CNTN4: variants seen among roughly 807,000 people sequenced by gnomAD.
CNTN4 encodes the protein contactin 4.
In CNTN4, 77 loss-of-function variants were observed where a neutral mutation model predicts 122.5. The observed-to-expected ratio is 0.63, with a 90% CI of 0.52 to 0.76. The LOEUF (loss-of-function observed/expected upper bound fraction) is 0.76. Among genes scored for constraint, CNTN4 ranks in the 30% least tolerant of loss-of-function variants. CNTN4 has a pLI of 0.00. For missense variants in CNTN4, 1,256 were observed against 1,259.1 expected, an observed-to-expected ratio of 1.00 and a Z score of 0.04; for synonymous variants, 512 against 447.0, an observed-to-expected ratio of 1.15 and a Z score of -1.83.
chr3:2,812,408 C>T (rs1268055776), intron 6 of CNTN4, among the ~76,000 whole-genome samples: 4 of 151,444 alleles, frequency 2.6e-5, no homozygotes, highest in South Asian at 2.1e-4. Context: ...GGGTATAGTG[C>T]GTATATCTTA....
At chr3:2,635,315 T>C (rs2082616601) in intron 4 of CNTN4, among the ~76,000 whole-genome samples, 2 of 152,202 alleles carry the variant, frequency 1.3e-5, no homozygotes, top group African/African-American at 4.8e-5. Flanking sequence ...CAAACTGTAA[T>C]TGGAAATGAA....
rs9874129 is a variant in CNTN4 at position 2,526,145 on chromosome 3, G to A, written c.-88-45271G>A. 6.8e-4 allele frequency among the ~76,000 whole-genome samples: 103 copies of A among 152,016 alleles called. 2 individuals carry two copies. The East Asian group carries it at 0.017, about 26-fold the overall frequency. ...CATTTTACCCATCCCTGGCACTATG[G>A]TCCTCCCTATGACTCAGCTCCCAGG... is the stretch of plus-strand genomic sequence containing the variant. On this transcript the variant is annotated intron_variant, in intron 3 of 24. Coordinates refer to ENST00000418658, the MANE Select transcript of CNTN4 (RefSeq NM_175607.3).
intron 3 of CNTN4, among the ~76,000 whole-genome samples, chr3:2,480,752 T>C (rs577026603): frequency 2.6e-5 from 4 of 152,360 alleles, no homozygotes; most frequent in African/African-American, 4.8e-5. Context: ...TATGTACTTA[T>C]TGAGTCTAAA....
At chr3:2,534,573 C>G (rs911264064) in intron 3 of CNTN4, among the ~76,000 whole-genome samples, 1 of 151,930 alleles carries the variant, frequency 6.6e-6, no homozygotes, top group Non-Finnish European at 1.5e-5. Context: ...GAGATCTTAG[C>G]CATGTACTGT....
At chr3:2,428,048 A>G (rs972490960) in intron 3 of CNTN4, among the ~76,000 whole-genome samples, 1 of 152,138 alleles carries the variant, frequency 6.6e-6, no homozygotes, top group African/African-American at 2.4e-5. Flanking sequence ...GTGTCTTTTA[A>G]TTGGAGCATT....
intron 3 of CNTN4, among the ~76,000 whole-genome samples, chr3:2,382,950 CT>C (rs1384497076): frequency 2.0e-5 from 3 of 152,040 alleles, no homozygotes; most frequent in African/African-American, 7.2e-5. Flanking sequence ...TGGCAGGCGC[CT>C]GTAATTCCAG....
At chr3:2,628,830 T>G (rs76594958) in intron 4 of CNTN4, among the ~76,000 whole-genome samples, 3,173 of 152,342 alleles carry the variant, frequency 0.021, 31 homozygotes, top group Middle Eastern at 0.051. Flanking sequence ...AATTATTTTC[T>G]GGATTGTAAC....
chr3:2,234,131 T>G (rs1376802905), intron 2 of CNTN4, among the ~76,000 whole-genome samples: 1 of 151,872 alleles, frequency 6.6e-6, no homozygotes, highest in Non-Finnish European at 1.5e-5. Flanking sequence ...TTTAAGAAAT[T>G]TTCTTGGGAG....
intron 2 of CNTN4, among the ~76,000 whole-genome samples, chr3:2,322,065 A>G (rs1449075442): frequency 2.6e-5 from 4 of 152,208 alleles, no homozygotes; most frequent in African/African-American, 9.6e-5. Flanking sequence ...TCATACATGA[A>G]AAAATTCTCT....
chr3:2,925,862 G>C, intron 13 of CNTN4, 83 bp downstream of exon 13: 2 of 1,224,528 alleles, frequency 1.6e-6, no homozygotes, highest in South Asian at 2.4e-5. Context: ...GGGGAAGGTG[G>C]GGTGACTATC....
intron 2 of CNTN4, among the ~76,000 whole-genome samples, chr3:2,128,362 AT>A (rs2034283764): frequency 6.6e-6 from 1 of 152,210 alleles, no homozygotes; most frequent in African/African-American, 2.4e-5. Flanking sequence ...TAGATTCAAT[AT>A]TTTAAATTTA....
intron 3 of CNTN4, among the ~76,000 whole-genome samples, chr3:2,568,651 C>T (rs2079288513): frequency 2.6e-5 from 4 of 152,184 alleles, no homozygotes; most frequent in Admixed American, 2.0e-4. Context: ...ACGTGAGATT[C>T]ATGAATCTTC....
intron 2 of CNTN4, among the ~76,000 whole-genome samples, chr3:2,289,834 T>C (rs1405102313): frequency 6.6e-6 from 1 of 152,238 alleles, no homozygotes; most frequent in African/African-American, 2.4e-5. Flanking sequence ...GTGTAAGTTA[T>C]TACGATAGTG....
At chr3:2,425,979 G>T (rs2047814176) in intron 3 of CNTN4, among the ~76,000 whole-genome samples, 4 of 152,122 alleles carry the variant, frequency 2.6e-5, no homozygotes, top group Admixed American at 2.6e-4. Context: ...TGAGACAATG[G>T]GATTTTCTAA....
At chr3:2,195,887 G>A (rs2037811118) in intron 2 of CNTN4, among the ~76,000 whole-genome samples, 1 of 152,182 alleles carries the variant, frequency 6.6e-6, no homozygotes, top group African/African-American at 2.4e-5. Flanking sequence ...TTCTTGGCAG[G>A]AAATAAAAGA....
chr3:2,614,054 A>G (rs1408569308), intron 4 of CNTN4, among the ~76,000 whole-genome samples: 2 of 152,204 alleles, frequency 1.3e-5, no homozygotes, highest in Non-Finnish European at 2.9e-5. Flanking sequence ...TAATCAGAGA[A>G]GTCAACAAAA....
intron 3 of CNTN4, among the ~76,000 whole-genome samples, chr3:2,414,324 G>A (rs933344586): frequency 2.0e-5 from 3 of 152,038 alleles, no homozygotes; most frequent in Admixed American, 6.6e-5. Flanking sequence ...TATTGCGTGC[G>A]CTTAGTAGAT....
intron 4 of CNTN4, among the ~76,000 whole-genome samples, chr3:2,601,561 C>G (rs2081049171): frequency 6.6e-6 from 1 of 152,084 alleles, no homozygotes; most frequent in Non-Finnish European, 1.5e-5. Context: ...TTCCATTGGT[C>G]TATATCTCTG....
intron 4 of CNTN4, among the ~76,000 whole-genome samples, chr3:2,731,063 T>A (rs2088641734): frequency 6.6e-6 from 1 of 151,964 alleles, no homozygotes; most frequent in Non-Finnish European, 1.5e-5. Context: ...ACAGATGTGG[T>A]CATTTTTATT....
Sources: allele counts gnomAD v4.1 joint callset (sites outside exome capture counted in the v4.1 genomes callset), GRCh38; gene constraint gnomAD v4.1.1; transcripts MANE v1.5; gene names NCBI Gene and HGNC (gene_info 2026-07-23, HGNC 2026-07-21).